EYA4: variants seen among roughly 807,000 people sequenced by gnomAD.
EYA4 encodes the protein EYA transcriptional coactivator and phosphatase 4.
In EYA4, 31 loss-of-function variants were observed where a neutral mutation model predicts 87.9. The observed-to-expected ratio is 0.35, with a 90% CI of 0.27 to 0.48. The LOEUF (loss-of-function observed/expected upper bound fraction) is 0.48, where lower values mean the gene tolerates loss of function less well. Among genes scored for constraint, EYA4 ranks in the 20% least tolerant of loss-of-function variants. The pLI is 0.99. For synonymous variants in EYA4, 263 were observed against 270.6 expected (o/e 0.97, Z 0.28); for missense variants, 678 against 761.4 (o/e 0.89, Z 1.29).
At chr6:133,415,691 G>A (rs1257682006) in intron 3 of EYA4, among the ~76,000 whole-genome samples, 1 of 152,176 alleles carries the variant, frequency 6.6e-6, no homozygotes, top group Non-Finnish European at 1.5e-5. Flanking sequence ...AAGATGTGGG[G>A]TTAAGGAGTT....
In EYA4 at chr6:133,506,163, G is replaced by A. The variant is rs1376995776; in HGVS notation, c.1249G>A (p.Ala417Thr). The A allele has an allele frequency of 1.2e-6, 2 of 1,609,402 alleles. No homozygotes were observed. Among genetic ancestry groups the A allele is most frequent in the Non-Finnish European group, 1.7e-6 (2 of 1,175,974 alleles). ...LRMEEMIFNL[A>T]DTHLFFNDLE... Reference sequence around the variant, plus strand: ...CATGGAAGAAATGATTTTTAATCTTGCTGATACTCATTTGTTTTTTAATGA... The same window carrying A: ...CATGGAAGAAATGATTTTTAATCTTACTGATACTCATTTGTTTTTTAATGA... The change falls in exon 14 of 20, where the codon GCT becomes ACT. Residue 417 changes from alanine (A) to threonine (T), a missense_variant. Coordinates refer to ENST00000355286, the MANE Select transcript of EYA4 (RefSeq NM_004100.5).
rs183984380 is a variant in EYA4, at chr6:133,386,910, C to T, written c.83+4469C>T. 7.4e-4 allele frequency among the ~76,000 whole-genome samples: 113 copies of T among 152,284 alleles called. 1 individual carries two copies. The highest frequency in any genetic ancestry group is 1.3e-3 in the Non-Finnish European group (86 of 68,014). On this transcript the variant is annotated intron_variant, in intron 3 of 19. Coordinates refer to ENST00000355286, the MANE Select transcript of EYA4 (RefSeq NM_004100.5). ...ATAGTGGGGAGGATTGACTCTTCTC[C>T]ACTTCGTAAGTTAAAGAAATTGAGT... is the stretch of plus-strand genomic sequence containing the variant.
chr6:133,332,711 A>ATTTTTTTTTTTTTTTTTT (rs71003634), intron 2 of EYA4, among the ~76,000 whole-genome samples: 4 of 124,896 alleles, frequency 3.2e-5, no homozygotes, highest in Admixed American at 8.8e-5. Context: ...GCCCAGCTAA[A>ATTTTTTTTTTTTTTTTTT]TTTTTTTTTT....
At chr6:133,472,843 A>G (rs1171885763) in intron 11 of EYA4, among the ~76,000 whole-genome samples, 1 of 141,566 alleles carries the variant, frequency 7.1e-6, no homozygotes, top group Non-Finnish European at 1.5e-5. Flanking sequence ...CTTTACCATT[A>G]TGTAATGGCC....
intron 3 of EYA4, among the ~76,000 whole-genome samples, chr6:133,425,988 C>T (rs541749653): frequency 3.8e-4 from 58 of 150,944 alleles, no homozygotes; most frequent in Non-Finnish European, 7.3e-4. Flanking sequence ...CACACGATGC[C>T]GTTTCCCATC....
chr6:133,505,799 T>C (rs1045168430), intron 13 of EYA4, among the ~76,000 whole-genome samples: 4 of 152,212 alleles, frequency 2.6e-5, no homozygotes, highest in Non-Finnish European at 4.4e-5. Context: ...CCATAGATTA[T>C]ATGTAAACTG....
At chr6:133,289,933 T>G (rs2128295237) in intron 2 of EYA4, among the ~76,000 whole-genome samples, 1 of 152,076 alleles carries the variant, frequency 6.6e-6, no homozygotes, top group Non-Finnish European at 1.5e-5. Context: ...CAAAGGAGAG[T>G]TAAAAATGAA....
intron 2 of EYA4, among the ~76,000 whole-genome samples, chr6:133,350,133 C>T (rs962106946): frequency 6.6e-6 from 1 of 151,922 alleles, no homozygotes; most frequent in Non-Finnish European, 1.5e-5. Context: ...CTGATAAGGG[C>T]CTGATCTTTG....
Position 133,461,182 on chromosome 6 carries a change from T to C in EYA4, c.437+2T>C. On this transcript the variant is annotated splice_donor_variant, in intron 7 of 19. Coordinates refer to ENST00000355286, the MANE Select transcript of EYA4 (RefSeq NM_004100.5). LOFTEE classifies it high-confidence loss of function. Reference sequence around the variant, plus strand: ...TTCCCCACAGCTGTATCCTTCCAAGTAAGTGGTCAGTAGATTCTTGCTTTA... The same window carrying C: ...TTCCCCACAGCTGTATCCTTCCAAGCAAGTGGTCAGTAGATTCTTGCTTTA... 1 of 1,607,858 alleles carries C rather than the reference T, an allele frequency of 6.2e-7. No individual in the cohort carries two copies. Among genetic ancestry groups the C allele is most frequent in the Non-Finnish European group, 8.5e-7 (1 of 1,174,400 alleles).
At chr6:133,350,651 C>T (rs1310321338) in intron 2 of EYA4, among the ~76,000 whole-genome samples, 1 of 151,944 alleles carries the variant, frequency 6.6e-6, no homozygotes, top group Non-Finnish European at 1.5e-5. Context: ...GGGAAGTTGG[C>T]CCCTGTGGCT....
intron 3 of EYA4, among the ~76,000 whole-genome samples, chr6:133,437,856 C>T (rs1041257708): frequency 2.0e-5 from 3 of 152,178 alleles, no homozygotes; most frequent in Non-Finnish European, 4.4e-5. Context: ...TTGATTACCT[C>T]CACCTTGTCT....
At chr6:133,428,585 T>C (rs1446883039) in intron 3 of EYA4, among the ~76,000 whole-genome samples, 3 of 152,186 alleles carry the variant, frequency 2.0e-5, no homozygotes, top group Admixed American at 1.3e-4. Context: ...GCTCAATAAC[T>C]TCATCAAGAA....
At chr6:133,339,122 T>A (rs1782597279) in intron 2 of EYA4, among the ~76,000 whole-genome samples, 1 of 152,224 alleles carries the variant, frequency 6.6e-6, no homozygotes, top group Admixed American at 6.5e-5. Flanking sequence ...CATAAGTTAT[T>A]ATTGATGAAA....
chr6:133,321,016 G>C (rs979823724), intron 2 of EYA4, among the ~76,000 whole-genome samples: 1 of 152,080 alleles, frequency 6.6e-6, no homozygotes, highest in African/African-American at 2.4e-5. Flanking sequence ...ATTACAAATT[G>C]TTTTCTTCTC....
intron 3 of EYA4, among the ~76,000 whole-genome samples, chr6:133,408,004 G>A (rs1162557323): frequency 6.6e-6 from 1 of 152,156 alleles, no homozygotes; most frequent in East Asian, 1.9e-4. Context: ...ATGAAAAAGG[G>A]ATTAGGCAAA....
chr6:133,446,848 T>C (rs528662974), intron 4 of EYA4, 94 bp downstream of exon 4: 3 of 1,133,488 alleles, frequency 2.6e-6, no homozygotes, highest in Non-Finnish European at 2.6e-6. Flanking sequence ...AATATCTTAT[T>C]ATCAATAACA....
intron 2 of EYA4, among the ~76,000 whole-genome samples, chr6:133,316,411 G>T (rs1275883735): frequency 1.3e-5 from 2 of 152,212 alleles, no homozygotes; most frequent in South Asian, 2.1e-4. Context: ...ATAGGTTTTA[G>T]CTATTAGCTA....
At chr6:133,377,564 G>GT (rs145391738) in intron 2 of EYA4, among the ~76,000 whole-genome samples, 2,434 of 116,242 alleles carry the variant, frequency 0.021, 81 homozygotes, top group African/African-American at 0.069. Flanking sequence ...TTTCACATTA[G>GT]TTTTTTTTTT....
At position 133,403,648 on chromosome 6, in the gene EYA4, T is replaced by G. The variant is rs538884775; in HGVS notation, c.83+21207T>G. 7.8e-4 allele frequency among the ~76,000 whole-genome samples: 119 copies of G among 152,330 alleles called. 1 individual carries two copies. The South Asian group carries it at 0.023, about 29-fold the overall frequency. ...TCAAGCAATATTTATTTTTCATAAT[T>G]GAGCTTATGTGCCTAAAATAATCCA... is the stretch of plus-strand genomic sequence containing the variant. On this transcript the variant is annotated intron_variant, in intron 3 of 19. Coordinates refer to ENST00000355286, the MANE Select transcript of EYA4 (RefSeq NM_004100.5).
Sources: gnomAD v4.1 joint callset for allele counts (sites outside exome capture counted in the v4.1 genomes callset) on GRCh38, gnomAD v4.1.1 for gene constraint, MANE v1.5 for transcripts, NCBI Gene and HGNC (gene_info 2026-07-23, HGNC 2026-07-21) for gene names.